Variants in DLC1 observed in about 807,000 individuals in gnomAD.
The protein encoded by DLC1 is DLC1 Rho GTPase activating protein.
Under a neutral mutation model 140.3 loss-of-function variants are expected in DLC1, and 54 were observed. The observed-to-expected ratio is 0.38, with a 90% confidence interval of 0.31 to 0.48. The LOEUF (loss-of-function observed/expected upper bound fraction) is 0.48. Ranked by LOEUF, DLC1 falls within the 20% of genes least tolerant of loss-of-function variation. The pLI is 0.96. For missense variants in DLC1, 2,536 were observed against 1,907.0 expected (o/e 1.33, Z -6.14); for synonymous variants, 986 against 728.1 (o/e 1.35, Z -5.70).
At chr8:13,403,805 C>A (rs1353613793) in intron 2 of DLC1, among the ~76,000 whole-genome samples, 21 of 64,036 alleles carry the variant, frequency 3.3e-4, no homozygotes, top group African/African-American at 1.3e-3. Context: ...CCAGGTCTGG[C>A]TGTTTTTTTT....
chr8:13,214,859 G>A, intron 5 of DLC1: 1 of 735,018 alleles, frequency 1.4e-6, no homozygotes. Context: ...GCAATAGATG[G>A]GTCTCATGAC....
intron 5 of DLC1, among the ~76,000 whole-genome samples, chr8:13,205,298 AACTT>A (rs1827603182): frequency 6.6e-6 from 1 of 152,030 alleles, no homozygotes; most frequent in Non-Finnish European, 1.5e-5. Flanking sequence ...AAATATGACT[AACTT>A]CTATTTATAT....
At chr8:13,575,986 A>G (rs1433675766) in intron 1 of DLC1, among the ~76,000 whole-genome samples, 1 of 152,184 alleles carries the variant, frequency 6.6e-6, no homozygotes, top group African/African-American at 2.4e-5. Context: ...AGTTGTTGCT[A>G]CCATTGGCAG....
rs1413872265 is a variant in DLC1, at chr8:13,453,550, ATATATATTTT to A, written c.1023+45489_1023+45498del. Among the ~76,000 whole-genome samples, 23 of 45,992 alleles carry A rather than the reference ATATATATTTT, an allele frequency of 5.0e-4. 1 individual carries two copies. Among genetic ancestry groups the A allele is most frequent in the South Asian group, 1.4e-3 (2 of 1,450 alleles). The allele number at this position is 45,992 out of a possible 152,430, so 30.2% of individuals were successfully genotyped here. ...TATGTATATATATACATATATATAT[ATATATATTTT>A]TTTTTTTTTTTTTTCAGATAGAAAT... On this transcript the variant is annotated intron_variant, in intron 2 of 17. Coordinates refer to ENST00000276297, the MANE Select transcript of DLC1 (RefSeq NM_182643.3).
At chr8:13,214,380 A>G (rs73558335) in intron 5 of DLC1, 4 of 388,282 alleles carry the variant, frequency 1.0e-5, no homozygotes, top group African/African-American at 8.2e-5. Context: ...GACCCTGTTG[A>G]CAGGCTTTGG....
chr8:13,303,422 ATTG>A (rs531951283), intron 5 of DLC1, among the ~76,000 whole-genome samples: 32 of 152,232 alleles, frequency 2.1e-4, no homozygotes, highest in Non-Finnish European at 4.1e-4. Flanking sequence ...CATTAAAAAA[ATTG>A]TTGTTCTTAA....
At chr8:13,331,533 A>T (rs895180138) in intron 4 of DLC1, among the ~76,000 whole-genome samples, 3 of 152,196 alleles carry the variant, frequency 2.0e-5, no homozygotes, top group African/African-American at 7.2e-5. Context: ...AAAAAGGGAA[A>T]GAATCAGTAT....
At chr8:13,131,529 C>T (rs1332524321) in intron 5 of DLC1, among the ~76,000 whole-genome samples, 3 of 152,118 alleles carry the variant, frequency 2.0e-5, no homozygotes, top group African/African-American at 7.2e-5. Flanking sequence ...TGTAAAAAGA[C>T]TCACTCAAAA....
At chr8:13,541,572 C>G (rs775093647) in intron 1 of DLC1, among the ~76,000 whole-genome samples, 1 of 151,904 alleles carries the variant, frequency 6.6e-6, no homozygotes, top group Non-Finnish European at 1.5e-5. Flanking sequence ...TTTATTGAGC[C>G]GGGGTCTCAC....
chr8:13,588,934 A>G (rs869448), intron 1 of DLC1, among the ~76,000 whole-genome samples: 22,333 of 152,028 alleles, frequency 0.15, 1,737 homozygotes, highest in African/African-American at 0.19. Context: ...CATTACCCCA[A>G]GGCAGTCAAA....
intron 5 of DLC1, among the ~76,000 whole-genome samples, chr8:13,298,248 A>G (rs559090248): frequency 4.6e-5 from 7 of 152,316 alleles, no homozygotes; most frequent in African/African-American, 1.7e-4. Context: ...ATGACCAAGG[A>G]AAGCAACCAA....
intron 4 of DLC1, among the ~76,000 whole-genome samples, chr8:13,319,474 C>CGCGGG (rs1554496246): frequency 1.7e-5 from 1 of 57,558 alleles, no homozygotes; most frequent in Admixed American, 1.9e-4. Context: ...GCTGGCGGGG[C>CGCGGG]GGGGGGGGGG....
rs17128144 is a variant in DLC1, at chr8:13,274,274, G to T, written c.1348+30995C>A. Among the ~76,000 whole-genome samples, 20 of 152,320 alleles carry T rather than the reference G, an allele frequency of 1.3e-4. No individual in the cohort carries two copies. The East Asian group carries it at 3.7e-3, about 28-fold the overall frequency. ...TTTGACTAACTGAGCTTCCAGCCATGAGCCAAGAGTGAGGAGGACACCAAA... is the reference window on the plus strand; with the variant it reads ...TTTGACTAACTGAGCTTCCAGCCATTAGCCAAGAGTGAGGAGGACACCAAA... On this transcript the variant is annotated intron_variant, in intron 5 of 17. Transcript: ENST00000276297.
chr8:13,217,678 CA>C (rs571144370), intron 5 of DLC1, among the ~76,000 whole-genome samples: 12 of 148,030 alleles, frequency 8.1e-5, no homozygotes, highest in South Asian at 4.3e-4. Flanking sequence ...ACTAAAAATA[CA>C]AAAAAAAAAT....
intron 4 of DLC1, among the ~76,000 whole-genome samples, chr8:13,384,421 A>G (rs1237349494): frequency 3.3e-5 from 5 of 152,072 alleles, no homozygotes; most frequent in Admixed American, 2.0e-4. Context: ...AGAAAACTAC[A>G]AATACAAGTG....
chr8:13,464,599 T>C (rs931385838), intron 2 of DLC1, among the ~76,000 whole-genome samples: 42 of 151,932 alleles, frequency 2.8e-4, no homozygotes, highest in African/African-American at 8.2e-4. Context: ...CCCGCCACCA[T>C]GGAAATGGAA....
chr8:13,310,637 C>G (rs890867597), intron 4 of DLC1, among the ~76,000 whole-genome samples: 2 of 152,210 alleles, frequency 1.3e-5, no homozygotes, highest in African/African-American at 4.8e-5. Flanking sequence ...GTTTTCATCT[C>G]TTCTTCATTT....
intron 2 of DLC1, among the ~76,000 whole-genome samples, chr8:13,403,434 T>A (rs1743210836): frequency 6.6e-6 from 1 of 152,214 alleles, no homozygotes; most frequent in Non-Finnish European, 1.5e-5. Context: ...AAATAGTAAT[T>A]AAATCCCAGT....
intron 1 of DLC1, among the ~76,000 whole-genome samples, chr8:13,546,064 C>G (rs781704608): frequency 6.6e-6 from 1 of 151,934 alleles, no homozygotes; most frequent in Non-Finnish European, 1.5e-5. Context: ...TCTTTTATGC[C>G]GTCTTGGAAT....
Sources: allele counts gnomAD v4.1 joint callset (sites outside exome capture counted in the v4.1 genomes callset), GRCh38; gene constraint gnomAD v4.1.1; transcripts MANE v1.5; gene names NCBI Gene and HGNC (gene_info 2026-07-23, HGNC 2026-07-21).